The following NRXN1 variants were observed in gnomAD, a reference collection of about 807,000 sequenced individuals.
The protein encoded by NRXN1 is neurexin 1.
In NRXN1, 39 loss-of-function variants were observed where a neutral mutation model predicts 150.9. That is an observed-to-expected ratio of 0.26 (90% CI 0.20 to 0.34). The LOEUF is 0.34. NRXN1 is among the 10% of genes least tolerant of loss of function. The pLI is 1.00. For synonymous variants in NRXN1, 924 were observed against 757.0 expected (o/e 1.22, Z -3.62); for missense variants, 1,815 against 1,949.9 (o/e 0.93, Z 1.30).
intron 5 of NRXN1, among the ~76,000 whole-genome samples, chr2:50,773,557 T>G (rs539792947): frequency 1.3e-5 from 2 of 152,132 alleles, no homozygotes; most frequent in Non-Finnish European, 2.9e-5. Context: ...GAGCTGAATA[T>G]GAAACATTGG....
chr2:50,461,881 C>T (rs2088262571), intron 17 of NRXN1, among the ~76,000 whole-genome samples: 1 of 151,892 alleles, frequency 6.6e-6, no homozygotes, highest in Non-Finnish European at 1.5e-5. Context: ...GGAATGAATG[C>T]ATTTTCCAGG....
chr2:50,651,045 T>G (rs1349994705), intron 5 of NRXN1, among the ~76,000 whole-genome samples: 1 of 152,068 alleles, frequency 6.6e-6, no homozygotes, highest in Admixed American at 6.6e-5. Flanking sequence ...GCACTCAGAA[T>G]ACTACTTTTA....
At chr2:50,303,042 C>T (rs12464203) in intron 17 of NRXN1, among the ~76,000 whole-genome samples, 12,748 of 152,144 alleles carry the variant, frequency 0.084, 626 homozygotes, top group Middle Eastern at 0.14. Context: ...AAGGACCTTC[C>T]GAACTCAGTC....
At position 50,092,504 on chromosome 2, in the gene NRXN1, G is replaced by A. The variant is rs558693114; in HGVS notation, c.3547-1010C>T. Among the ~76,000 whole-genome samples, 8 of 152,262 alleles carry A rather than the reference G, an allele frequency of 5.3e-5. No homozygotes were observed. The South Asian group carries it at 1.5e-3, about 28-fold the overall frequency. On this transcript the variant is annotated intron_variant, in intron 18 of 22. Transcript: ENST00000401669. ...ACCCTTCTTCAAACCTCAGTTGAGAGAAATCACACGGAGGAAGAAGGGTTT... is the reference window on the plus strand; with the variant it reads ...ACCCTTCTTCAAACCTCAGTTGAGAAAAATCACACGGAGGAAGAAGGGTTT...
At position 50,552,748 on chromosome 2, in the gene NRXN1, G is replaced by A. The variant is rs1210316815; in HGVS notation, c.1598C>T (p.Pro533Leu). 5 of 1,613,798 alleles carry A rather than the reference G, an allele frequency of 3.1e-6. No individual in the cohort carries two copies. The highest frequency in any genetic ancestry group is 4.5e-5 in the East Asian group (2 of 44,870). ...KPRHQKDAKH[P>L]QMIKVDFFAI... ...AAAGAAGTCCACCTTTATCATCTGT[G>A]GGTGCTTGGCATCTTTCTGATGTCT... Residue 533 changes from proline (P) to leucine (L), a missense_variant, in exon 9 of 23, where the codon CCA becomes CTA. This residue lies in a region of NRXN1 where 638 missense variants were observed against 652.6 expected (regional missense o/e 0.98). Coordinates refer to ENST00000401669, the MANE Select transcript of NRXN1 (RefSeq NM_001330078.2).
intron 19 of NRXN1, among the ~76,000 whole-genome samples, chr2:50,065,624 A>T (rs1306499230): frequency 1.3e-5 from 2 of 152,200 alleles, no homozygotes; most frequent in Admixed American, 6.5e-5. Context: ...AAGTAAAGTG[A>T]TCAAAGACCT....
chr2:50,758,696 A>G (rs1701439800), intron 5 of NRXN1, among the ~76,000 whole-genome samples: 1 of 151,860 alleles, frequency 6.6e-6, no homozygotes, highest in South Asian at 2.1e-4. Flanking sequence ...TTCTTTTTCC[A>G]GAGTAACATG....
intron 21 of NRXN1, chr2:49,973,899 T>C (rs1249124019): frequency 1.1e-5 from 7 of 651,790 alleles, no homozygotes; most frequent in Non-Finnish European, 2.0e-5. Flanking sequence ...TTTAGGCTTC[T>C]GGTATCTTAA....
chr2:50,348,747 A>C (rs1429767437), intron 17 of NRXN1, among the ~76,000 whole-genome samples: 1 of 152,174 alleles, frequency 6.6e-6, no homozygotes, highest in Non-Finnish European at 1.5e-5. Flanking sequence ...CAGGCACTGG[A>C]TGCTGGTGAT....
intron 18 of NRXN1, among the ~76,000 whole-genome samples, chr2:50,118,838 A>T (rs1438043590): frequency 6.6e-6 from 1 of 152,158 alleles, no homozygotes; most frequent in Non-Finnish European, 1.5e-5. Flanking sequence ...CCTTCTTCTA[A>T]CATAAGTCTG....
intron 5 of NRXN1, among the ~76,000 whole-genome samples, chr2:50,663,851 A>T (rs1296507582): frequency 6.6e-6 from 1 of 150,718 alleles, no homozygotes; most frequent in East Asian, 1.9e-4. Context: ...AAGATTTAAG[A>T]ATATTTTTAT....
intron 3 of NRXN1, among the ~76,000 whole-genome samples, 192 bp downstream of exon 3, chr2:50,925,746 A>T (rs1686767431): frequency 1.3e-5 from 2 of 151,910 alleles, no homozygotes; most frequent in Admixed American, 1.3e-4. Flanking sequence ...GTTAAGCTTG[A>T]AAAAGTTTCA....
At chr2:50,718,154 A>C (rs1696107588) in intron 5 of NRXN1, among the ~76,000 whole-genome samples, 1 of 152,180 alleles carries the variant, frequency 6.6e-6, no homozygotes, top group African/African-American at 2.4e-5. Context: ...GGTTAAATGC[A>C]TGGTTTTTGA....
At chr2:50,676,054 A>G (rs924633080) in intron 5 of NRXN1, among the ~76,000 whole-genome samples, 1 of 152,148 alleles carries the variant, frequency 6.6e-6, no homozygotes, top group African/African-American at 2.4e-5. Flanking sequence ...GCCTAGTGGT[A>G]GGTGTTTGGG....
chr2:50,352,009 ACTC>A (rs1486627429), intron 17 of NRXN1, among the ~76,000 whole-genome samples: 1 of 151,942 alleles, frequency 6.6e-6, no homozygotes, highest in Non-Finnish European at 1.5e-5. Context: ...ACTTGTGTGA[ACTC>A]TTGGAAACGG....
chr2:50,917,036 T>C (rs1558416080), intron 5 of NRXN1: 1 of 151,726 alleles, frequency 6.6e-6, no homozygotes, highest in African/African-American at 2.4e-5. Context: ...AAAGTAGATA[T>C]TTAATGTCTG....
rs558693232 is a variant in NRXN1, at chr2:50,353,188, C to A, written c.3364+112254G>T. Among the ~76,000 whole-genome samples the A allele has an allele frequency of 2.6e-5, 4 of 152,194 alleles. No individual in the cohort carries two copies. In the South Asian group the frequency reaches 8.3e-4, roughly 32 times the overall value. On this transcript the variant is annotated intron_variant, in intron 17 of 22. Coordinates refer to ENST00000401669, the MANE Select transcript of NRXN1 (RefSeq NM_001330078.2). ...ATTCTGTAATCTCTATCTTGTCTTT[C>A]ATTCGATTTAATAAAAATTTCATGT...
At chr2:50,677,704 G>A (rs1689756408) in intron 5 of NRXN1, among the ~76,000 whole-genome samples, 1 of 151,994 alleles carries the variant, frequency 6.6e-6, no homozygotes, top group Non-Finnish European at 1.5e-5. Flanking sequence ...TAGTATGTAG[G>A]CCATGACAAT....
At chr2:50,895,389 T>C (rs1401887158) in intron 5 of NRXN1, among the ~76,000 whole-genome samples, 1 of 152,138 alleles carries the variant, frequency 6.6e-6, no homozygotes, top group African/African-American at 2.4e-5. Context: ...AGGCAGTAAC[T>C]AGTCATTTCA....
Sources: allele counts gnomAD v4.1 joint callset (sites outside exome capture counted in the v4.1 genomes callset), GRCh38; gene constraint gnomAD v4.1.1; regional missense constraint gnomAD v4.1.1; transcripts MANE v1.5; gene names NCBI Gene and HGNC (gene_info 2026-07-23, HGNC 2026-07-21).